Variants in CLMP observed in about 807,000 individuals in gnomAD.
CLMP encodes CXADR-like membrane protein.
CLMP carries 27 observed loss-of-function variants against 45.2 expected under a neutral mutation model. That is an observed-to-expected ratio of 0.60 (90% CI 0.44 to 0.82). CLMP has a LOEUF of 0.82. Among genes scored for constraint, CLMP ranks in the 40% least tolerant of loss-of-function variants. The pLI, the probability that CLMP is intolerant of heterozygous loss-of-function variation, is 0.00. For missense variants in CLMP, 403 were observed against 448.4 expected (o/e 0.90, Z 0.91); for synonymous variants, 167 against 171.4 (o/e 0.97, Z 0.20).
chr11:123,165,240 T>G (rs1861541685), intron 1 of CLMP, among the ~76,000 whole-genome samples: 1 of 152,114 alleles, frequency 6.6e-6, no homozygotes, highest in Admixed American at 6.5e-5. Context: ...TAGCTAACCT[T>G]GGTATAAACA....
intron 1 of CLMP, among the ~76,000 whole-genome samples, chr11:123,172,835 C>G (rs1207425393): frequency 6.6e-6 from 1 of 152,220 alleles, no homozygotes; most frequent in Non-Finnish European, 1.5e-5. Context: ...GCATAGATTT[C>G]TAACAATGGA....
At chr11:123,139,909 A>G (rs1292395171) in intron 1 of CLMP, among the ~76,000 whole-genome samples, 1 of 152,194 alleles carries the variant, frequency 6.6e-6, no homozygotes, top group African/African-American at 2.4e-5. Flanking sequence ...TACATAATAG[A>G]TGCTGTCTGT....
chr11:123,103,541 G>A (rs1490933166), intron 1 of CLMP, among the ~76,000 whole-genome samples: 1 of 152,058 alleles, frequency 6.6e-6, no homozygotes, highest in African/African-American at 2.4e-5. Context: ...AGTGCAGGGA[G>A]GAGCCCCTCT....
At chr11:123,107,534 A>ATTTTTTT (rs370750162) in intron 1 of CLMP, among the ~76,000 whole-genome samples, 4 of 123,406 alleles carry the variant, frequency 3.2e-5, no homozygotes, top group Admixed American at 9.1e-5. Flanking sequence ...CCTGACCTAA[A>ATTTTTTT]TTTTTTTTTT....
intron 1 of CLMP, among the ~76,000 whole-genome samples, chr11:123,170,969 G>C (rs1000923486): frequency 6.6e-6 from 1 of 152,208 alleles, no homozygotes; most frequent in Non-Finnish European, 1.5e-5. Context: ...TATGTGGGGA[G>C]ACGTTCGAAT....
chr11:123,143,993 G>A (rs1172947257), intron 1 of CLMP, among the ~76,000 whole-genome samples: 5 of 152,100 alleles, frequency 3.3e-5, no homozygotes, highest in Non-Finnish European at 7.4e-5. Flanking sequence ...ATTTTTAGTA[G>A]AGATGGGGTT....
At chr11:123,162,614 G>A (rs1383985996) in intron 1 of CLMP, among the ~76,000 whole-genome samples, 1 of 151,954 alleles carries the variant, frequency 6.6e-6, no homozygotes. Flanking sequence ...TTGCATAAAT[G>A]GCCAGGTGTG....
chr11:123,180,163 G>C (rs1390265387), intron 1 of CLMP, among the ~76,000 whole-genome samples: 1 of 152,216 alleles, frequency 6.6e-6, no homozygotes, highest in Non-Finnish European at 1.5e-5. Context: ...CTCTGTGTCA[G>C]GCACTGTCCT....
intron 1 of CLMP, among the ~76,000 whole-genome samples, chr11:123,160,016 C>T (rs558071028): frequency 7.2e-4 from 109 of 152,218 alleles, no homozygotes; most frequent in Admixed American, 3.5e-3. Flanking sequence ...CGGTGGCCCA[C>T]GCCTGCAATC....
intron 1 of CLMP, among the ~76,000 whole-genome samples, chr11:123,120,076 C>T (rs180677548): frequency 3.3e-5 from 5 of 152,154 alleles, no homozygotes; most frequent in Admixed American, 3.3e-4. Context: ...TTTTGATGTG[C>T]CTTTTAATCT....
intron 2 of CLMP, among the ~76,000 whole-genome samples, chr11:123,086,070 C>T (rs575193306): frequency 6.6e-6 from 1 of 152,038 alleles, no homozygotes; most frequent in East Asian, 1.9e-4. Flanking sequence ...AGCCACTGCG[C>T]CTGGCCCTAA....
intron 1 of CLMP, among the ~76,000 whole-genome samples, chr11:123,185,324 T>C (rs966029502): frequency 6.6e-6 from 1 of 151,990 alleles, no homozygotes; most frequent in Non-Finnish European, 1.5e-5. Context: ...ACGCTGGTCT[T>C]TGTTCTCTGT....
intron 1 of CLMP, among the ~76,000 whole-genome samples, chr11:123,128,333 A>C (rs1197114352): frequency 6.6e-6 from 1 of 151,792 alleles, no homozygotes; most frequent in African/African-American, 2.4e-5. Context: ...ATGGTGGCTC[A>C]GGCCTGTAAT....
rs547712406 is a variant in CLMP at position 123,126,797 on chromosome 11, T to A, written c.29-28845A>T. Among the ~76,000 whole-genome samples, 8 of 151,958 alleles carry A rather than the reference T, an allele frequency of 5.3e-5. No individual in the cohort carries two copies. In the East Asian group the frequency reaches 1.6e-3, roughly 29 times the overall value. On this transcript the variant is annotated intron_variant, in intron 1 of 6. Transcript: ENST00000448775. ...CTGTAGTCCCAGCTACTTGGGAGAC[T>A]CAGGCAGGAGAATGGCACGAACCTG...
chr11:123,179,547 C>T (rs961601642), intron 1 of CLMP, among the ~76,000 whole-genome samples: 1 of 152,118 alleles, frequency 6.6e-6, no homozygotes, highest in African/African-American at 2.4e-5. Context: ...GATTATATAC[C>T]TGTGTTTGTG....
rs753089200 is a variant in CLMP, at chr11:123,083,749, C to T, written c.487G>A (p.Val163Met). ...TCTCGGATTCGCTGCCAGTAATACACAATGGGCTCTGTGCCAGAGGATGAC... is the reference window on the plus strand; with the variant it reads ...TCTCGGATTCGCTGCCAGTAATACATAATGGGCTCTGTGCCAGAGGATGAC... Reference protein sequence around the residue: ...CESSSGTEPIVYYWQRIREKE... With the variant: ...CESSSGTEPIMYYWQRIREKE... The change falls in exon 4 of 7, where the codon GTG (valine) becomes ATG (methionine). Residue 163 changes from valine (V) to methionine (M), a missense_variant. Transcript: ENST00000448775. 3.7e-6 allele frequency: 6 copies of T among 1,614,120 alleles called. No homozygotes were observed. The South Asian group carries it at 4.4e-5, about 12-fold the overall frequency.
chr11:123,082,393 C>T (rs945157674), intron 5 of CLMP, among the ~76,000 whole-genome samples: 5 of 152,168 alleles, frequency 3.3e-5, no homozygotes, highest in South Asian at 2.1e-4. Flanking sequence ...ACTGCAACCT[C>T]CGTGTCTCAG....
chr11:123,157,408 C>T (rs939388449), intron 1 of CLMP, among the ~76,000 whole-genome samples: 13 of 152,038 alleles, frequency 8.6e-5, no homozygotes, highest in African/African-American at 3.1e-4. Flanking sequence ...TACAAAATTA[C>T]CCCGGCGTGG....
At chr11:123,087,354 A>G (rs191075805) in intron 2 of CLMP, among the ~76,000 whole-genome samples, 1,526 of 151,824 alleles carry the variant, frequency 0.01, 14 homozygotes, top group Admixed American at 0.016. Context: ...AAAAAGAAAG[A>G]AAGAAAAAAC....
Sources: gnomAD v4.1 joint callset for allele counts (sites outside exome capture counted in the v4.1 genomes callset) on GRCh38, gnomAD v4.1.1 for gene constraint, MANE v1.5 for transcripts, NCBI Gene and HGNC (gene_info 2026-07-23, HGNC 2026-07-21) for gene names.